Variants in GRIA2 observed in about 807,000 individuals in gnomAD.
The protein encoded by GRIA2 is glutamate ionotropic receptor AMPA type subunit 2, also known as glutamate receptor 2.
Under a neutral mutation model 97.3 loss-of-function variants are expected in GRIA2, and 14 were observed. The observed-to-expected ratio is 0.14, with a 90% CI of 0.10 to 0.23. The LOEUF (loss-of-function observed/expected upper bound fraction) is 0.23, where lower values mean the gene tolerates loss of function less well. Ranked by LOEUF, GRIA2 falls within the 10% of genes least tolerant of loss-of-function variation. The pLI, the probability that GRIA2 is intolerant of heterozygous loss-of-function variation, is 1.00. For missense variants in GRIA2, 558 were observed against 1,069.8 expected (o/e 0.52, Z 6.67); for synonymous variants, 412 against 387.8 (o/e 1.06, Z -0.73).
At chr4:157,259,766 A>G (rs1046735679) in intron 2 of GRIA2, among the ~76,000 whole-genome samples, 5 of 152,200 alleles carry the variant, frequency 3.3e-5, no homozygotes, top group East Asian at 1.9e-4. Flanking sequence ...TGCATTTCCA[A>G]TTGTCACTTA....
intron 2 of GRIA2, among the ~76,000 whole-genome samples, chr4:157,248,592 T>TATATAC (rs1491429626): frequency 7.8e-6 from 1 of 128,022 alleles, no homozygotes; most frequent in African/African-American, 3.0e-5. Context: ...CGTGTATATA[T>TATATAC]GTATATATAT....
chr4:157,221,625 G>A (rs1267624113), intron 1 of GRIA2, 42 bp from the exon 2 acceptor site: 3 of 1,600,720 alleles, frequency 1.9e-6, no homozygotes, highest in East Asian at 2.2e-5. Context: ...TCCCTCCCGG[G>A]GCACTGACAC....
rs1257708332 is a variant in GRIA2, at chr4:157,363,471, C to T, written c.*40C>T. 9.7e-6 allele frequency: 12 copies of T among 1,240,364 alleles called. No individual in the cohort carries two copies. The highest frequency in any genetic ancestry group is 1.2e-5 in the Non-Finnish European group (12 of 991,194). The allele number at this position is 1,240,364 out of a possible 1,614,324, so 76.8% of individuals were successfully genotyped here. On this transcript the variant is annotated 3_prime_UTR_variant, in exon 16 of 16. Transcript: ENST00000264426. ...TGATGCCATGAGGAACAAGGCAAGG[C>T]TGTCAATTACAGGAAGTACTGGAGA...
chr4:157,273,027 AC>A (rs539794038), intron 2 of GRIA2, among the ~76,000 whole-genome samples: 31 of 152,156 alleles, frequency 2.0e-4, no homozygotes, highest in African/African-American at 7.0e-4. Flanking sequence ...CAGATCAAAA[AC>A]CTTTTGACAA....
chr4:157,227,228 C>T (rs1729789885), intron 2 of GRIA2, among the ~76,000 whole-genome samples: 1 of 152,122 alleles, frequency 6.6e-6, no homozygotes, highest in Non-Finnish European at 1.5e-5. Context: ...TTTCATTTCA[C>T]ATCAAGCCTT....
At chr4:157,265,987 G>A (rs762172030) in intron 2 of GRIA2, among the ~76,000 whole-genome samples, 1 of 152,084 alleles carries the variant, frequency 6.6e-6, no homozygotes, top group African/African-American at 2.4e-5. Flanking sequence ...TGTTCAGAAG[G>A]CATATTTGAG....
At chr4:157,246,865 T>G (rs1730754954) in intron 2 of GRIA2, among the ~76,000 whole-genome samples, 1 of 152,184 alleles carries the variant, frequency 6.6e-6, no homozygotes, top group Non-Finnish European at 1.5e-5. Flanking sequence ...ACACATGTAT[T>G]AAATGTACTT....
chr4:157,352,061 A>C (rs62331559), intron 12 of GRIA2, among the ~76,000 whole-genome samples: 11,430 of 152,272 alleles, frequency 0.075, 575 homozygotes, highest in South Asian at 0.12. Flanking sequence ...CTGGTGGATT[A>C]AAATGCTGCG....
intron 12 of GRIA2, among the ~76,000 whole-genome samples, 168 bp downstream of exon 12, chr4:157,341,630 C>T (rs537438193): frequency 3.3e-5 from 5 of 152,060 alleles, no homozygotes; most frequent in East Asian, 1.9e-4. Flanking sequence ...CCTGATACTT[C>T]GGTCCAGCTC....
chr4:157,255,535 C>A (rs1055860927), intron 2 of GRIA2, among the ~76,000 whole-genome samples: 3 of 151,994 alleles, frequency 2.0e-5, no homozygotes, highest in Non-Finnish European at 4.4e-5. Context: ...AGTGTATAAG[C>A]ATTCCCTTTT....
At chr4:157,311,373 A>G (rs1240090564) in intron 3 of GRIA2, among the ~76,000 whole-genome samples, 1 of 152,002 alleles carries the variant, frequency 6.6e-6, no homozygotes, top group Non-Finnish European at 1.5e-5. Context: ...CTCCTCTTCA[A>G]ATTAGCTCCT....
rs1156662179 is a variant in GRIA2, at chr4:157,360,993, T to C, written c.2292-17T>C. ...ATTTGCTCACCCTGTCTGACAAGTA[T>C]GTTTTATCGTTTCAAGAAATGCGGT... is the stretch of plus-strand genomic sequence containing the variant. On this transcript the variant is annotated splice_polypyrimidine_tract_variant and intron_variant, in intron 13 of 15. Transcript: ENST00000264426. The C allele has an allele frequency of 1.3e-6, 2 of 1,551,878 alleles. No homozygotes were observed. The highest frequency in any genetic ancestry group is 1.1e-5 in the South Asian group (1 of 89,518).
intron 2 of GRIA2, among the ~76,000 whole-genome samples, chr4:157,289,752 A>G (rs963500261): frequency 6.6e-6 from 1 of 151,922 alleles, no homozygotes; most frequent in African/African-American, 2.4e-5. Flanking sequence ...ACAGACACAC[A>G]TACACAAACA....
rs986161322 is a variant in GRIA2 at position 157,365,839 on chromosome 4, G to A, written c.*2408G>A. 9 of 151,700 alleles carry A rather than the reference G, an allele frequency of 5.9e-5. No individual in the cohort carries two copies. Among genetic ancestry groups the A allele is most frequent in the African/African-American group, 2.2e-4 (9 of 41,310 alleles). The allele number at this position is 151,700 out of a possible 1,614,324, so 9.4% of individuals were successfully genotyped here. A position where few individuals can be genotyped will look rare whatever the true frequency, so the allele number is the denominator to read the frequency against. On this transcript the variant is annotated 3_prime_UTR_variant, in exon 16 of 16. Transcript: ENST00000264426. ...TGTAAATTTACAATTGTCCTTTACT[G>A]TACTTTTTTGTTTACAGTATAGTAC...
chr4:157,359,800 A>G (rs1736555426), intron 12 of GRIA2, 96 bp from the exon 13 acceptor site: 14 of 1,044,386 alleles, frequency 1.3e-5, no homozygotes, highest in Middle Eastern at 2.1e-4. Flanking sequence ...TGTGTATATC[A>G]TCTATGTTTT....
At chr4:157,331,875 G>A (rs896347187) in intron 6 of GRIA2, among the ~76,000 whole-genome samples, 5 of 152,034 alleles carry the variant, frequency 3.3e-5, no homozygotes, top group Non-Finnish European at 7.4e-5. Flanking sequence ...GGAATGCTGA[G>A]TACCTGTTTT....
rs368332843 is a variant in GRIA2, at chr4:157,332,880, G to A, written c.944G>A (p.Arg315Lys). Residue 315 changes from arginine (R) to lysine (K), a missense_variant, in exon 7 of 16, where the codon AGG becomes AAG. Physicochemically the swap from Arg to Lys is conservative, Grantham distance 26. Transcript: ENST00000264426. Reference protein sequence around the residue: ...QVMTEAFRNLRKQRIEISRRG... With the variant: ...QVMTEAFRNLKKQRIEISRRG... ...ATGACTGAAGCCTTCCGCAACCTAA[G>A]GAAGCAAAGAATTGAAATCTCCCGA... is the stretch of plus-strand genomic sequence containing the variant. 2.5e-6 allele frequency: 4 copies of A among 1,612,610 alleles called. No homozygotes were observed. Among genetic ancestry groups the A allele is most frequent in the African/African-American group, 2.7e-5 (2 of 74,788 alleles).
chr4:157,262,944 G>A (rs17035916), intron 2 of GRIA2, among the ~76,000 whole-genome samples: 53,969 of 151,862 alleles, frequency 0.36, 10,087 homozygotes, highest in African/African-American at 0.47. Flanking sequence ...CGAGTCCCCA[G>A]TTACAACCAA....
intron 1 of GRIA2, 94 bp from the exon 2 acceptor site, chr4:157,221,573 A>C: frequency 2.3e-6 from 3 of 1,288,974 alleles, no homozygotes; most frequent in Non-Finnish European, 3.3e-6. Context: ...CGCGTGAATA[A>C]GAGACTCTTG....
Sources: allele counts gnomAD v4.1 joint callset (sites outside exome capture counted in the v4.1 genomes callset), GRCh38; gene constraint gnomAD v4.1.1; transcripts MANE v1.5; gene names NCBI Gene and HGNC (gene_info 2026-07-23, HGNC 2026-07-21).